Variants in LCP1 observed in about 807,000 individuals in gnomAD.
The protein encoded by LCP1 is lymphocyte cytosolic protein 1, also known as plastin-2.
A neutral mutation model predicts 72.0 loss-of-function variants in LCP1; 23 were observed. The ratio of observed to expected loss-of-function variants is 0.32; its 90% CI spans 0.23 to 0.45. The LOEUF (loss-of-function observed/expected upper bound fraction) is 0.45. Among genes scored for constraint, LCP1 ranks in the 20% least tolerant of loss-of-function variants. The pLI is 1.00. For missense variants in LCP1, 571 were observed against 748.3 expected (o/e 0.76, Z 2.76); for synonymous variants, 245 against 275.4 (o/e 0.89, Z 1.09).
intron 1 of LCP1, among the ~76,000 whole-genome samples, chr13:46,171,335 T>A (rs577727139): frequency 6.6e-6 from 1 of 152,188 alleles, no homozygotes; most frequent in Non-Finnish European, 1.5e-5. Context: ...TCCTTTGGGG[T>A]TGCCCTTGAA....
chr13:46,166,047 G>T (rs183670378), intron 1 of LCP1, among the ~76,000 whole-genome samples: 1 of 152,110 alleles, frequency 6.6e-6, no homozygotes. Flanking sequence ...CTGCTTAAAG[G>T]GTGCTGGTAT....
At chr13:46,139,504 T>C (rs9316186) in intron 13 of LCP1, among the ~76,000 whole-genome samples, 2 of 152,042 alleles carry the variant, frequency 1.3e-5, no homozygotes, top group Non-Finnish European at 2.9e-5. Context: ...CCATTATCTT[T>C]CCAGACAGAA....
rs1341245083 is a variant in LCP1, at chr13:46,126,584, C to A, written c.*1007G>T. On this transcript the variant is annotated 3_prime_UTR_variant, in exon 16 of 16. Coordinates refer to ENST00000323076, the MANE Select transcript of LCP1 (RefSeq NM_002298.5). ...AAACATTGATAATATGGCCTGACAA[C>A]AATCAGATATGCTAAGCTCTAGAAG... 2.2e-5 allele frequency: 5 copies of A among 231,720 alleles called. No individual in the cohort carries two copies. Among genetic ancestry groups the A allele is most frequent in the Non-Finnish European group, 4.3e-5 (5 of 117,000 alleles). The allele number at this position is 231,720 out of a possible 1,614,324, so 14.4% of individuals were successfully genotyped here.
chr13:46,169,325 T>C (rs1000712077), intron 1 of LCP1: 4 of 152,258 alleles, frequency 2.6e-5, no homozygotes, highest in Non-Finnish European at 5.9e-5. Flanking sequence ...GCAAAGGCAC[T>C]GTTCAGGTTT....
chr13:46,160,245 A>C (rs1455991958), intron 1 of LCP1, among the ~76,000 whole-genome samples: 2 of 152,202 alleles, frequency 1.3e-5, no homozygotes, highest in Admixed American at 6.5e-5. Flanking sequence ...TTGAGCTCCT[A>C]GATGACCACA....
intron 1 of LCP1, among the ~76,000 whole-genome samples, chr13:46,167,637 T>C (rs989035046): frequency 6.6e-6 from 1 of 152,234 alleles, no homozygotes; most frequent in Non-Finnish European, 1.5e-5. Flanking sequence ...GACTTTCCCC[T>C]ACTGAAAGCT....
intron 9 of LCP1, among the ~76,000 whole-genome samples, chr13:46,147,614 A>C (rs2045738851): frequency 6.6e-6 from 1 of 152,232 alleles, no homozygotes; most frequent in South Asian, 2.1e-4. Context: ...CAAATAAAAT[A>C]AATTTTATCA....
At chr13:46,143,431 C>A in intron 11 of LCP1, 27 bp from the exon 12 acceptor site, 1 of 1,470,976 alleles carries the variant, frequency 6.8e-7, no homozygotes, top group Non-Finnish European at 9.5e-7. Context: ...CAAAAGGATT[C>A]TCAGATATCC....
At chr13:46,128,417 T>A (rs1181428692) in intron 15 of LCP1, among the ~76,000 whole-genome samples, 2 of 152,096 alleles carry the variant, frequency 1.3e-5, no homozygotes, top group African/African-American at 4.8e-5. Flanking sequence ...GCCAACATGG[T>A]GAAACCCCAT....
intron 1 of LCP1, among the ~76,000 whole-genome samples, chr13:46,172,978 G>GA (rs895528153): frequency 6.6e-6 from 1 of 152,062 alleles, no homozygotes; most frequent in African/African-American, 2.4e-5. Context: ...CAATGCGTGG[G>GA]AAAAACACAA....
chr13:46,171,504 A>G (rs1227383710), intron 1 of LCP1, among the ~76,000 whole-genome samples: 3 of 152,202 alleles, frequency 2.0e-5, no homozygotes, highest in African/African-American at 7.2e-5. Context: ...GAACACAACC[A>G]GGCTTGATCT....
intron 14 of LCP1, among the ~76,000 whole-genome samples, chr13:46,131,368 G>A (rs1224878005): frequency 6.6e-6 from 1 of 152,200 alleles, no homozygotes; most frequent in Non-Finnish European, 1.5e-5. Flanking sequence ...ATGCCAGTGA[G>A]GTTGTGGAGA....
At chr13:46,158,126 G>A (rs2045815104) in intron 4 of LCP1, among the ~76,000 whole-genome samples, 1 of 152,138 alleles carries the variant, frequency 6.6e-6, no homozygotes, top group Non-Finnish European at 1.5e-5. Flanking sequence ...TTTCCATTAT[G>A]GCTGTTGGAT....
At chr13:46,143,485 T>C (rs577960426) in intron 11 of LCP1, 81 bp from the exon 12 acceptor site, 74 of 885,016 alleles carry the variant, frequency 8.4e-5, no homozygotes, top group Non-Finnish European at 1.3e-4. Context: ...CTTTCTTACA[T>C]ATTAGTTCAA....
At chr13:46,133,002 T>C (rs9534338) in intron 14 of LCP1, among the ~76,000 whole-genome samples, 65,367 of 152,026 alleles carry the variant, frequency 0.43, 14,369 homozygotes, top group South Asian at 0.49. Flanking sequence ...ACAGGCATTA[T>C]GATGATGTGG....
At chr13:46,151,857 G>A (rs1233388682) in intron 7 of LCP1, among the ~76,000 whole-genome samples, 1 of 152,226 alleles carries the variant, frequency 6.6e-6, no homozygotes, top group Non-Finnish European at 1.5e-5. Context: ...ATAACATCGT[G>A]TTTTGCATGA....
intron 1 of LCP1, among the ~76,000 whole-genome samples, chr13:46,177,648 G>A (rs574074349): frequency 1.3e-5 from 2 of 152,206 alleles, no homozygotes; most frequent in East Asian, 1.9e-4. Flanking sequence ...TCAGTGAGCC[G>A]AGATCGCGCC....
rs550124810 is a variant in LCP1, at chr13:46,168,032, C to T, written c.-24-8346G>A. On this transcript the variant is annotated intron_variant, in intron 1 of 15. Transcript: ENST00000323076. ...ATCAAAAAAATAAAAATATAAAATA[C>T]CTAAAGCAGCCCAGGCAATTAAGAT... Among the ~76,000 whole-genome samples the T allele has an allele frequency of 3.9e-5, 6 of 152,164 alleles. No individual in the cohort carries two copies. The South Asian group carries it at 8.3e-4, about 21-fold the overall frequency.
rs2045601280 is a variant in LCP1, at chr13:46,126,821, T to G, written c.*770A>C. Reference sequence around the variant, plus strand: ...GCTGAAGGCTCTAGAGGGCAGAGTATTCAAGATGTTAGATCTGGTCCAAGC... The same window carrying G: ...GCTGAAGGCTCTAGAGGGCAGAGTAGTCAAGATGTTAGATCTGGTCCAAGC... On this transcript the variant is annotated 3_prime_UTR_variant, in exon 16 of 16. Transcript: ENST00000323076. 4.3e-6 allele frequency: 1 copy of G among 231,040 alleles called. No homozygotes were observed. The highest frequency in any genetic ancestry group is 1.8e-4 in the South Asian group (1 of 5,502). The allele number at this position is 231,040 out of a possible 1,614,324, so 14.3% of individuals were successfully genotyped here.
Sources: gnomAD v4.1 joint callset for allele counts (sites outside exome capture counted in the v4.1 genomes callset) on GRCh38, gnomAD v4.1.1 for gene constraint, MANE v1.5 for transcripts, NCBI Gene and HGNC (gene_info 2026-07-23, HGNC 2026-07-21) for gene names.